The following UPB1 variants were observed in gnomAD, a reference collection of about 807,000 sequenced individuals.
The protein encoded by UPB1 is beta-ureidopropionase 1.
A neutral mutation model predicts 49.1 loss-of-function variants in UPB1; 40 were observed. That is an observed-to-expected ratio of 0.81 (90% CI 0.63 to 1.06). The LOEUF is 1.06. Ranked by LOEUF, UPB1 falls within the 50% of genes least tolerant of loss-of-function variation. The pLI, the probability that UPB1 is intolerant of heterozygous loss-of-function variation, is 0.00. For missense variants in UPB1, 499 were observed against 505.9 expected (o/e 0.99, Z 0.13); for synonymous variants, 207 against 198.2 (o/e 1.04, Z -0.38).
At chr22:24,521,891 G>A (rs779668085) in intron 7 of UPB1, 95 bp from the exon 8 acceptor site, 29 of 1,336,618 alleles carry the variant, frequency 2.2e-5, no homozygotes, top group Middle Eastern at 1.8e-4. Flanking sequence ...CTCGCCTCTC[G>A]GCCTGATTGC....
At position 24,497,831 on chromosome 22, in the gene UPB1, G is replaced by A. The variant is rs62231888; in HGVS notation, c.105-2276G>A. On this transcript the variant is annotated intron_variant, in intron 1 of 9. Coordinates refer to ENST00000326010, the MANE Select transcript of UPB1 (RefSeq NM_016327.3). ...CAATCACAGGGAGAAAAAGGAGAAG[G>A]GTCTGTGTGTCTGTTTCCCCAAAGG... Among the ~76,000 whole-genome samples the A allele has an allele frequency of 5.2e-3, 799 of 152,296 alleles. 2 individuals carry two copies. Among genetic ancestry groups the A allele is most frequent in the South Asian group, 0.018 (87 of 4,828 alleles).
chr22:24,520,540 T>C (rs1214833701), intron 7 of UPB1, 72 bp downstream of exon 7: 1 of 1,532,734 alleles, frequency 6.5e-7, no homozygotes, highest in Non-Finnish European at 8.9e-7. Context: ...CCGTTCCCTC[T>C]GCACACATGC....
intron 9 of UPB1, 139 bp from the exon 10 acceptor site, chr22:24,525,572 C>G: frequency 2.1e-6 from 2 of 954,206 alleles, no homozygotes; most frequent in Non-Finnish European, 3.4e-6. Context: ...AGAATCAGTG[C>G]CAAGAGGTCA....
intron 1 of UPB1, among the ~76,000 whole-genome samples, chr22:24,499,138 G>A (rs1338739515): frequency 1.3e-5 from 2 of 152,218 alleles, no homozygotes; most frequent in East Asian, 1.9e-4. Context: ...TGTCAGGGCC[G>A]TCACATGGAA....
chr22:24,513,603 C>T (rs1568990101), intron 5 of UPB1, 118 bp downstream of exon 5: 1 of 1,393,524 alleles, frequency 7.2e-7, no homozygotes, highest in African/African-American at 1.4e-5. Context: ...ATGTCACGTA[C>T]ACTCCACGGG....
chr22:24,500,037 A>G (rs2043961781), intron 1 of UPB1, 70 bp from the exon 2 acceptor site: 1 of 1,608,612 alleles, frequency 6.2e-7, no homozygotes. Flanking sequence ...GCTACAAGAA[A>G]TGGGAGAGAG....
At chr22:24,502,797 TG>T (rs2147005012) in intron 3 of UPB1, 1 of 460,680 alleles carries the variant, frequency 2.2e-6, no homozygotes, top group African/African-American at 1.9e-5. Context: ...CTTCCCCCTA[TG>T]GAAGATGTCA....
rs753692693 is a variant in UPB1, at chr22:24,513,253, A to G, written c.460-71A>G. 552 of 1,610,628 alleles carry G rather than the reference A, an allele frequency of 3.4e-4. 2 individuals are homozygous for G. In the Middle Eastern group the frequency reaches 4.1e-3, roughly 12 times the overall value. On this transcript the variant is annotated intron_variant, in intron 4 of 9. Coordinates refer to ENST00000326010, the MANE Select transcript of UPB1 (RefSeq NM_016327.3). ...CCAAGCCTATTGATTTAGTAGGATC[A>G]TTCTTCTTTGATAAAAAACTACAAC...
rs766661184 is a variant in UPB1 at position 24,513,425 on chromosome 22, C to T, written c.561C>T (p.Ser187=). The change falls in exon 5 of 10, where the codon TCC becomes TCT. Residue 187 remains serine (S), a synonymous_variant. Coordinates refer to ENST00000326010, the MANE Select transcript of UPB1 (RefSeq NM_016327.3). ...LWNTAVVISN[S]GAVLGKTRKN... Reference sequence around the variant, plus strand: ...ATACAGCCGTGGTGATCTCCAATTCCGGAGCAGTCCTGGGAAAGACCAGGA... The same window carrying T: ...ATACAGCCGTGGTGATCTCCAATTCTGGAGCAGTCCTGGGAAAGACCAGGA... 36 of 1,614,048 alleles carry T rather than the reference C, an allele frequency of 2.2e-5. No homozygotes were observed. Among genetic ancestry groups the T allele is most frequent in the Middle Eastern group, 1.6e-4 (1 of 6,084 alleles).
intron 9 of UPB1, among the ~76,000 whole-genome samples, chr22:24,524,036 CT>C (rs1014310178): frequency 1.7e-4 from 26 of 152,380 alleles, no homozygotes; most frequent in African/African-American, 6.0e-4. Flanking sequence ...ACAAATTAAT[CT>C]CAATTTCATT....
chr22:24,500,420 G>C (rs910554116), intron 2 of UPB1, 142 bp downstream of exon 2: 2 of 1,049,886 alleles, frequency 1.9e-6, no homozygotes, highest in African/African-American at 3.2e-5. Context: ...CTTCTGCCCT[G>C]GCCTCCCCAC....
At chr22:24,524,282 A>G (rs903893621) in intron 9 of UPB1, among the ~76,000 whole-genome samples, 1 of 151,786 alleles carries the variant, frequency 6.6e-6, no homozygotes, top group Non-Finnish European at 1.5e-5. Flanking sequence ...AAGCCTTAGT[A>G]CTCCCAGTTG....
chr22:24,512,610 A>G (rs1255018381), intron 4 of UPB1, among the ~76,000 whole-genome samples: 20 of 152,218 alleles, frequency 1.3e-4, no homozygotes, highest in Admixed American at 1.3e-3. Context: ...AGTGTAAAGT[A>G]TATTCACACT....
At chr22:24,501,149 A>G (rs1205352105) in intron 2 of UPB1, among the ~76,000 whole-genome samples, 1 of 152,134 alleles carries the variant, frequency 6.6e-6, no homozygotes, top group Non-Finnish European at 1.5e-5. Flanking sequence ...TCACGTGCAC[A>G]GGGCCTAGAA....
At chr22:24,514,320 T>TG (rs1344976559) in intron 5 of UPB1, among the ~76,000 whole-genome samples, 2 of 150,550 alleles carry the variant, frequency 1.3e-5, no homozygotes, top group Non-Finnish European at 3.0e-5. Flanking sequence ...CAGCTGGAGG[T>TG]GGGGGTGGGA....
intron 3 of UPB1, 59 bp from the exon 4 acceptor site, chr22:24,510,690 G>A (rs2044182517): frequency 1.3e-6 from 2 of 1,558,408 alleles, no homozygotes; most frequent in Non-Finnish European, 1.8e-6. Context: ...CTGGGCTGAG[G>A]AGCCCCCCTC....
At chr22:24,499,851 C>G (rs937485673) in intron 1 of UPB1, among the ~76,000 whole-genome samples, 6 of 152,238 alleles carry the variant, frequency 3.9e-5, no homozygotes, top group African/African-American at 9.6e-5. Flanking sequence ...ACTGGCCTCC[C>G]CATTGCCAGG....
At chr22:24,521,600 T>C (rs1014613201) in intron 7 of UPB1, among the ~76,000 whole-genome samples, 3 of 152,182 alleles carry the variant, frequency 2.0e-5, no homozygotes, top group Admixed American at 6.5e-5. Context: ...CTGAAAGCAG[T>C]GTGTGTACCT....
intron 2 of UPB1, 27 bp downstream of exon 2, chr22:24,500,305 T>C: frequency 6.2e-7 from 1 of 1,613,058 alleles, no homozygotes; most frequent in Non-Finnish European, 8.5e-7. Context: ...CCATAATAAA[T>C]ACACAAACAG....
Sources: allele counts gnomAD v4.1 joint callset (sites outside exome capture counted in the v4.1 genomes callset), GRCh38; gene constraint gnomAD v4.1.1; transcripts MANE v1.5; gene names NCBI Gene and HGNC (gene_info 2026-07-23, HGNC 2026-07-21).